The following CARD9 variants were observed in gnomAD, a reference collection of about 807,000 sequenced individuals.
CARD9 encodes the protein caspase recruitment domain family member 9.
In CARD9, 53 loss-of-function variants were observed where a neutral mutation model predicts 66.0. The observed-to-expected ratio is 0.80, with a 90% CI of 0.64 to 1.01. The LOEUF (loss-of-function observed/expected upper bound fraction) is 1.01, where lower values mean the gene tolerates loss of function less well. Among genes scored for constraint, CARD9 ranks in the 50% least tolerant of loss-of-function variants. The pLI, the probability that CARD9 is intolerant of heterozygous loss-of-function variation, is 0.00. For synonymous variants in CARD9, 387 were observed against 313.8 expected (o/e 1.23, Z -2.47); for missense variants, 769 against 743.2 (o/e 1.03, Z -0.40).
chr9:136,372,212 G>A, intron 1 of CARD9, 118 bp from the exon 2 acceptor site: 2 of 1,382,468 alleles, frequency 1.4e-6, no homozygotes, highest in Non-Finnish European at 2.0e-6. Flanking sequence ...AGGGGGATCA[G>A]CCCAGGGGCA....
intron 7 of CARD9, among the ~76,000 whole-genome samples, chr9:136,368,987 T>C (rs1008666716): frequency 2.0e-5 from 3 of 151,848 alleles, no homozygotes; most frequent in African/African-American, 4.8e-5. Context: ...ACCAGGCTAA[T>C]TTTTGTGTTT....
rs772871267 is a variant in CARD9, at chr9:136,370,311, C to T, written c.934G>A (p.Glu312Lys). The T allele has an allele frequency of 8.7e-6, 14 of 1,605,642 alleles. No homozygotes were observed. The highest frequency in any genetic ancestry group is 2.7e-5 in the African/African-American group (2 of 74,872). ...CCTCCTACCCGGAGGCGTCGGGCCT[C>T]GCCCTGGCGGAGGTCCTTGCGCAGG... Reference protein sequence around the residue: ...FSLRKDLRQGEARRLRCMEEK... With the variant: ...FSLRKDLRQGKARRLRCMEEK... The change falls in exon 6 of 13, where the codon GAG (glutamate) becomes AAG (lysine). Residue 312 changes from glutamate (E) to lysine (K), a missense_variant. Transcript: ENST00000371732.
chr9:136,368,401 G>A (rs531645222), intron 7 of CARD9, among the ~76,000 whole-genome samples: 1 of 152,384 alleles, frequency 6.6e-6, no homozygotes, highest in South Asian at 2.1e-4. Flanking sequence ...CCCCATGGGG[G>A]CACAGCTGGA....
In CARD9 at chr9:136,370,823, C is replaced by G. The variant is rs768842654; in HGVS notation, c.627+18G>C. 2 of 1,592,874 alleles carry G rather than the reference C, an allele frequency of 1.3e-6. No homozygotes were observed. The highest frequency in any genetic ancestry group is 1.1e-5 in the South Asian group (1 of 88,862). On this transcript the variant is annotated intron_variant, in intron 4 of 12. Transcript: ENST00000371732. ...GCCAGGCGAGGGTGGCCTGGTTTCC[C>G]GGGGGCAGCGGGCGCACCTCCAGCT...
At chr9:136,367,876 C>T (rs1434887823) in intron 7 of CARD9, 48 bp from the exon 8 acceptor site, 1 of 1,558,580 alleles carries the variant, frequency 6.4e-7, no homozygotes, top group African/African-American at 1.4e-5. Context: ...CCCAAGCTTG[C>T]CCTGGGCCCT....
At chr9:136,369,660 A>C (rs1178296682) in intron 7 of CARD9, 90 bp downstream of exon 7, 1 of 1,530,690 alleles carries the variant, frequency 6.5e-7, no homozygotes. Flanking sequence ...ACAAAGATTA[A>C]AAATCCTCTG....
At chr9:136,364,740 G>A (rs1295258345) in intron 11 of CARD9, 181 bp from the exon 12 acceptor site, 2 of 648,288 alleles carry the variant, frequency 3.1e-6, no homozygotes, top group African/African-American at 3.7e-5. Context: ...GTGAGCCGGT[G>A]TGGGTAGCCT....
Position 136,370,864 on chromosome 9 carries a change from G to C in CARD9, c.604C>G (p.Arg202Gly). 6.2e-7 allele frequency: 1 copy of C among 1,600,244 alleles called. No homozygotes were observed. The highest frequency in any genetic ancestry group is 2.2e-5 in the East Asian group (1 of 44,602). ...ACCTCCAGCTGCAGGTCACGGTTCCGCATGAGCGCGGCGCCCTTCTCCTCA... is the reference window on the plus strand; with the variant it reads ...ACCTCCAGCTGCAGGTCACGGTTCCCCATGAGCGCGGCGCCCTTCTCCTCA... ...QSEEKGAALM[R>G]NRDLQLEIDQ... The change falls in exon 4 of 13, where the codon CGG becomes GGG. Residue 202 changes from arginine (R) to glycine (G), a missense_variant. Transcript: ENST00000371732.
intron 1 of CARD9, among the ~76,000 whole-genome samples, chr9:136,372,624 TCTTGTGGGA>T (rs1202217963): frequency 6.6e-6 from 1 of 152,176 alleles, no homozygotes; most frequent in Non-Finnish European, 1.5e-5. Context: ...GGGAGCCGGT[TCTTGTGGGA>T]CTTCCTCATT....
chr9:136,371,557 T>A, intron 2 of CARD9, 96 bp from the exon 3 acceptor site: 4 of 1,500,110 alleles, frequency 2.7e-6, no homozygotes, highest in Middle Eastern at 2.4e-4. Context: ...GAGGCTGGCA[T>A]GCAGATGAGG....
Position 136,368,464 on chromosome 9 carries a change from GGGGCTGAGACAGGAGCTCTGAGCCT to G in CARD9, c.1078-661_1078-637del, listed in dbSNP as rs1833179583. Among the ~76,000 whole-genome samples the G allele has an allele frequency of 8.5e-5, 13 of 152,378 alleles. No individual in the cohort carries two copies. In the South Asian group the frequency reaches 2.5e-3, roughly 29 times the overall value. On this transcript the variant is annotated intron_variant, in intron 7 of 12. Transcript: ENST00000371732. ...GGCCAGGCGCGAGTGAGGCTGAGGT[GGGGCTGAGACAGGAGCTCTGAGCCT>G]GGGCTGCTCTCATGGGGGCCGGGGC...
chr9:136,367,301 G>C (rs528045575), intron 8 of CARD9, 44 bp from the exon 9 acceptor site: 1 of 1,601,174 alleles, frequency 6.2e-7, no homozygotes, highest in Non-Finnish European at 8.5e-7. Flanking sequence ...GAGGGCAGAG[G>C]GCTCCCCAGG....
chr9:136,371,257 G>A, intron 3 of CARD9, 67 bp downstream of exon 3: 3 of 1,575,902 alleles, frequency 1.9e-6, no homozygotes, highest in Non-Finnish European at 2.6e-6. Context: ...CCAGGCAGAG[G>A]ACCCAACACC....
At chr9:136,373,486 C>A (rs1017831318) in intron 1 of CARD9, 46 bp downstream of exon 1, 7 of 985,376 alleles carry the variant, frequency 7.1e-6, no homozygotes, top group African/African-American at 1.7e-5. Flanking sequence ...ACTAGGCCAA[C>A]GCCAACCTTC....
Position 136,367,749 on chromosome 9 carries a change from C to G in CARD9, c.1157G>C (p.Arg386Pro). Reference sequence around the variant, plus strand: ...CTCATCCGCCTTCTCGCCCAGCTCCCGCACCTGCTTGCGCAGCGCGTCCTT... The same window carrying G: ...CTCATCCGCCTTCTCGCCCAGCTCCGGCACCTGCTTGCGCAGCGCGTCCTT... ...QEKDALRKQV[R>P]ELGEKADELQ... The change falls in exon 8 of 13, where the codon CGG becomes CCG. Residue 386 changes from arginine (R) to proline (P), a missense_variant. By Grantham distance (103) the Arg-to-Pro change is moderately radical. Transcript: ENST00000371732. 1 of 1,605,570 alleles carries G rather than the reference C, an allele frequency of 6.2e-7. No homozygotes were observed. Among genetic ancestry groups the G allele is most frequent in the Non-Finnish European group, 8.5e-7 (1 of 1,179,576 alleles).
intron 6 of CARD9, 24 bp from the exon 7 acceptor site, chr9:136,369,899 C>T (rs1833216508): frequency 6.2e-7 from 1 of 1,609,610 alleles, no homozygotes; most frequent in Admixed American, 1.7e-5. Context: ...CAGCTCAGCC[C>T]CCACAGGCCT....
In CARD9 at chr9:136,365,676, G is replaced by A. The variant is rs549141596; in HGVS notation, c.1358-459C>T. The A allele has an allele frequency of 8.7e-5, 16 of 183,590 alleles. 1 individual carries two copies. In the South Asian group the frequency reaches 1.4e-3, roughly 16 times the overall value. 11.4% of individuals were successfully genotyped at this position (183,590 alleles called of 1,614,324 possible). On this transcript the variant is annotated intron_variant, in intron 10 of 12. Coordinates refer to ENST00000371732, the MANE Select transcript of CARD9 (RefSeq NM_052813.5). ...TGCAGCAATTGGGAGAGAACCTTCA[G>A]GCGGCTGGACCCCCTCAGAAACCGC...
chr9:136,369,703 A>T, intron 7 of CARD9, 47 bp downstream of exon 7: 1 of 1,555,262 alleles, frequency 6.4e-7, no homozygotes, highest in Non-Finnish European at 8.7e-7. Context: ...GCCCTGGTGC[A>T]CCCACCCGCG....
chr9:136,365,626 C>T (rs570352027), intron 10 of CARD9: 205 of 226,630 alleles, frequency 9.0e-4, no homozygotes, highest in Admixed American at 2.5e-3. Context: ...CTGTCTGGGT[C>T]CTCCTGAAGT....
Sources: allele counts gnomAD v4.1 joint callset (sites outside exome capture counted in the v4.1 genomes callset), GRCh38; gene constraint gnomAD v4.1.1; transcripts MANE v1.5; gene names NCBI Gene and HGNC (gene_info 2026-07-23, HGNC 2026-07-21).